Variants in FAM169A observed in about 807,000 individuals in gnomAD.
FAM169A encodes soluble lamin-associated protein of 75 kDa.
FAM169A carries 24 observed loss-of-function variants against 75.7 expected under a neutral mutation model. The ratio of observed to expected loss-of-function variants is 0.32; its 90% confidence interval spans 0.23 to 0.45. FAM169A has a LOEUF of 0.45. FAM169A is among the 20% of genes least tolerant of loss of function. The pLI, the probability that FAM169A is intolerant of heterozygous loss-of-function variation, is 1.00. For missense variants in FAM169A, 673 were observed against 784.0 expected (o/e 0.86, Z 1.69); for synonymous variants, 271 against 271.0 (o/e 1.00, Z 0.00).
intron 11 of FAM169A, among the ~76,000 whole-genome samples, chr5:74,785,894 G>A (rs1745672012): frequency 6.6e-6 from 1 of 152,178 alleles, no homozygotes; most frequent in Non-Finnish European, 1.5e-5. Context: ...TAATTGTGAT[G>A]GCTAATACTG....
chr5:74,864,858 C>T (rs1357999699), intron 1 of FAM169A, among the ~76,000 whole-genome samples: 1 of 152,188 alleles, frequency 6.6e-6, no homozygotes, highest in Admixed American at 6.5e-5. Flanking sequence ...CTTGCCTTTC[C>T]TCCAAAACAA....
intron 11 of FAM169A, among the ~76,000 whole-genome samples, chr5:74,788,503 C>T (rs1745809223): frequency 6.6e-6 from 1 of 152,022 alleles, no homozygotes; most frequent in Admixed American, 6.5e-5. Context: ...GTCGGGAGTT[C>T]GAAACCAGCC....
At chr5:74,828,694 C>A (rs2112630326) in intron 5 of FAM169A, among the ~76,000 whole-genome samples, 1 of 152,330 alleles carries the variant, frequency 6.6e-6, no homozygotes, top group Admixed American at 6.5e-5. Context: ...TGGGCAATGG[C>A]ATCTTAGGAT....
chr5:74,816,147 T>C (rs114636220), intron 5 of FAM169A, among the ~76,000 whole-genome samples: 2,561 of 152,286 alleles, frequency 0.017, 17 homozygotes, highest in South Asian at 0.045. Context: ...TGCCTTGAAA[T>C]TGAAGGGTTT....
chr5:74,866,309 C>T lies in FAM169A; in HGVS notation c.-148G>A, dbSNP rs899301252. 563 of 984,400 alleles carry T rather than the reference C, an allele frequency of 5.7e-4. 3 individuals carry two copies. Among genetic ancestry groups the T allele is most frequent in the Non-Finnish European group, 6.0e-4 (499 of 829,572 alleles). 61.0% of individuals were successfully genotyped at this position (984,400 alleles called of 1,614,324 possible). ...CGGCTGCCAGGGCGAGTGCGGCTGC[C>T]TCCCGCTCGCCCCGGACGCCCGGCT... is the stretch of plus-strand genomic sequence containing the variant. On this transcript the variant is annotated 5_prime_UTR_variant, in exon 1 of 13. Transcript: ENST00000687041.
At chr5:74,794,479 C>A (rs1746156800) in intron 11 of FAM169A, among the ~76,000 whole-genome samples, 1 of 151,416 alleles carries the variant, frequency 6.6e-6, no homozygotes, top group South Asian at 2.1e-4. Flanking sequence ...GTAATCCCAG[C>A]ACTTTGGGAG....
intron 1 of FAM169A, among the ~76,000 whole-genome samples, chr5:74,843,992 G>A (rs561360298): frequency 6.6e-6 from 1 of 152,278 alleles, no homozygotes; most frequent in African/African-American, 2.4e-5. Context: ...TATGTTAAAT[G>A]ATGCCTTAAG....
chr5:74,805,327 ACT>A (rs778730833), intron 6 of FAM169A, 43 bp from the exon 7 acceptor site: 6 of 1,595,098 alleles, frequency 3.8e-6, no homozygotes, highest in Non-Finnish European at 4.3e-6. Flanking sequence ...CCAAATATCC[ACT>A]GTTTTGAAAA....
intron 5 of FAM169A, among the ~76,000 whole-genome samples, chr5:74,825,677 C>T (rs1747985688): frequency 1.3e-5 from 2 of 152,072 alleles, no homozygotes; most frequent in Admixed American, 1.3e-4. Context: ...ATTAATTTGA[C>T]GGGGCACAGA....
chr5:74,795,822 C>G (rs1746243786), intron 11 of FAM169A, among the ~76,000 whole-genome samples: 1 of 152,122 alleles, frequency 6.6e-6, no homozygotes, highest in Admixed American at 6.5e-5. Context: ...CTTTTATAAG[C>G]TCAAACTTTT....
At chr5:74,799,542 G>A in intron 10 of FAM169A, 12 of 1,535,080 alleles carry the variant, frequency 7.8e-6, no homozygotes, top group South Asian at 1.1e-5. Context: ...TGGCCAGCAT[G>A]CCCTGGGACA....
intron 6 of FAM169A, among the ~76,000 whole-genome samples, chr5:74,806,169 G>T (rs954461228): frequency 6.6e-6 from 1 of 151,988 alleles, no homozygotes; most frequent in African/African-American, 2.4e-5. Context: ...GAGTGGGAGG[G>T]AGAAGGAGAA....
chr5:74,864,399 T>C lies in FAM169A; in HGVS notation c.-4+1766A>G, dbSNP rs575759978. Among the ~76,000 whole-genome samples, 4 of 152,234 alleles carry C rather than the reference T, an allele frequency of 2.6e-5. No homozygotes were observed. In the South Asian group the frequency reaches 8.3e-4, roughly 32 times the overall value. Reference sequence around the variant, plus strand: ...GCATGTGCCACCACACCCGGCTAATTTTGTATTTTTAGTAGAGACGGGGTT... The same window carrying C: ...GCATGTGCCACCACACCCGGCTAATCTTGTATTTTTAGTAGAGACGGGGTT... On this transcript the variant is annotated intron_variant, in intron 1 of 12. Coordinates refer to ENST00000687041, the MANE Select transcript of FAM169A (RefSeq NM_001376049.1).
intron 6 of FAM169A, among the ~76,000 whole-genome samples, chr5:74,809,955 T>C (rs1360666250): frequency 3.9e-5 from 6 of 152,042 alleles, no homozygotes; most frequent in African/African-American, 1.4e-4. Flanking sequence ...AACACAATCA[T>C]AAAACCCAGT....
At chr5:74,802,923 A>G (rs946283285) in intron 8 of FAM169A, among the ~76,000 whole-genome samples, 2 of 152,160 alleles carry the variant, frequency 1.3e-5, no homozygotes, top group Non-Finnish European at 2.9e-5. Context: ...AAATAATAGG[A>G]AAAAGCAGGT....
At chr5:74,837,261 T>TAC (rs1157610453) in intron 4 of FAM169A, among the ~76,000 whole-genome samples, 1 of 152,174 alleles carries the variant, frequency 6.6e-6, no homozygotes, top group African/African-American at 2.4e-5. Flanking sequence ...GAACATATTA[T>TAC]ACTCCTTTAT....
chr5:74,844,641 A>C (rs1749057340), intron 1 of FAM169A, among the ~76,000 whole-genome samples: 1 of 151,952 alleles, frequency 6.6e-6, no homozygotes. Context: ...AACACAGTGA[A>C]ACCCCGTCTC....
rs575505843 is a variant in FAM169A at position 74,780,468 on chromosome 5, A to G, written c.*992T>C. ...AGATGAAAGCTGTGGGGGAATATAA[A>G]TAAGACTGTAGAATTAGGGAGGTGG... On this transcript the variant is annotated 3_prime_UTR_variant, in exon 13 of 13. Transcript: ENST00000687041. 3.9e-5 allele frequency: 6 copies of G among 152,360 alleles called. No individual in the cohort carries two copies. In the South Asian group the frequency reaches 1.2e-3, roughly 32 times the overall value. 9.4% of individuals were successfully genotyped at this position (152,360 alleles called of 1,614,324 possible).
chr5:74,810,978 T>A (rs1243896586), intron 6 of FAM169A, among the ~76,000 whole-genome samples: 1 of 144,944 alleles, frequency 6.9e-6, no homozygotes, highest in Non-Finnish European at 1.5e-5. Context: ...GCCTGGATTT[T>A]TTTTTTTTTT....
Sources: allele counts gnomAD v4.1 joint callset (sites outside exome capture counted in the v4.1 genomes callset), GRCh38; gene constraint gnomAD v4.1.1; transcripts MANE v1.5; gene names NCBI Gene and HGNC (gene_info 2026-07-23, HGNC 2026-07-21).